Variants in COMMD7 observed in about 807,000 individuals in gnomAD.
The protein encoded by COMMD7 is COMM domain containing 7.
In COMMD7, 28 loss-of-function variants were observed where a neutral mutation model predicts 34.8. That is an observed-to-expected ratio of 0.80 (90% CI 0.60 to 1.10). COMMD7 has a LOEUF of 1.10. Ranked by LOEUF, COMMD7 falls within the 50% of genes least tolerant of loss-of-function variation. COMMD7 has a pLI of 0.00. For missense variants in COMMD7, 211 were observed against 241.6 expected (o/e 0.87, Z 0.84); for synonymous variants, 80 against 86.4 (o/e 0.93, Z 0.41).
chr20:32,717,286 T>C (rs1156373666), intron 3 of COMMD7, among the ~76,000 whole-genome samples: 51 of 150,800 alleles, frequency 3.4e-4, no homozygotes, highest in Non-Finnish European at 2.1e-4. Context: ...TCTGAAGTAG[T>C]TGAGACTACA....
intron 3 of COMMD7, among the ~76,000 whole-genome samples, chr20:32,726,955 G>T (rs1346725668): frequency 6.6e-6 from 1 of 152,120 alleles, no homozygotes; most frequent in Non-Finnish European, 1.5e-5. Context: ...CTGAACCTGG[G>T]CATGGTGGCT....
intron 3 of COMMD7, among the ~76,000 whole-genome samples, chr20:32,714,490 C>T (rs543398191): frequency 6.6e-6 from 1 of 151,100 alleles, no homozygotes; most frequent in South Asian, 2.1e-4. Flanking sequence ...GAGTTCGAGA[C>T]CAGCCTGGCC....
chr20:32,704,261 G>A (rs2145702875), intron 7 of COMMD7, among the ~76,000 whole-genome samples, 179 bp downstream of exon 7: 1 of 152,010 alleles, frequency 6.6e-6, no homozygotes, highest in East Asian at 1.9e-4. Context: ...ATAACACTAG[G>A]ATCTATTCAT....
Position 32,706,637 on chromosome 20 carries a change from G to A in COMMD7, c.299-17C>T. The A allele has an allele frequency of 1.2e-6, 2 of 1,612,064 alleles. No individual in the cohort carries two copies. The highest frequency in any genetic ancestry group is 1.7e-6 in the Non-Finnish European group (2 of 1,178,220). Reference sequence around the variant, plus strand: ...CACTAAGACCTATAAGAGAACAGAAGGAGATATTAACATAATAAAAAGCCT... The same window carrying A: ...CACTAAGACCTATAAGAGAACAGAAAGAGATATTAACATAATAAAAAGCCT... On this transcript the variant is annotated splice_polypyrimidine_tract_variant and intron_variant, in intron 4 of 8. Coordinates refer to ENST00000278980, the MANE Select transcript of COMMD7 (RefSeq NM_053041.3).
chr20:32,726,217 C>T (rs749945702), intron 3 of COMMD7, among the ~76,000 whole-genome samples: 1 of 151,902 alleles, frequency 6.6e-6, no homozygotes, highest in Admixed American at 6.6e-5. Context: ...ACAGTGAAAC[C>T]CCATCTCTAC....
chr20:32,704,411 C>T lies in COMMD7; in HGVS notation c.477+29G>A, dbSNP rs377565040. On this transcript the variant is annotated intron_variant, in intron 7 of 8. Coordinates refer to ENST00000278980, the MANE Select transcript of COMMD7 (RefSeq NM_053041.3). Reference sequence around the variant, plus strand: ...ATTTTTAACCAAGTCAAAAATCTACCCATTTTCAAGGATCAGGAGAAGACT... The same window carrying T: ...ATTTTTAACCAAGTCAAAAATCTACTCATTTTCAAGGATCAGGAGAAGACT... 2.6e-5 allele frequency: 41 copies of T among 1,591,018 alleles called. No homozygotes were observed. The African/African-American group carries it at 4.9e-4, about 19-fold the overall frequency.
rs1006898289 is a variant in COMMD7 at position 32,704,307 on chromosome 20, T to C, written c.477+133A>G. ...GCATGTTAGTGACTACATCTTTAGC[T>C]GGCCACACTGCTCTGAGATATATAA... is the stretch of plus-strand genomic sequence containing the variant. On this transcript the variant is annotated intron_variant, in intron 7 of 8. Transcript: ENST00000278980. The C allele has an allele frequency of 1.1e-5, 10 of 869,996 alleles. No individual in the cohort carries two copies. The African/African-American group carries it at 1.2e-4, about 10-fold the overall frequency. 53.9% of individuals were successfully genotyped at this position (869,996 alleles called of 1,614,324 possible). A position where few individuals can be genotyped will look rare whatever the true frequency, so the allele number is the denominator to read the frequency against.
At chr20:32,738,272 C>T (rs1458638277) in intron 1 of COMMD7, among the ~76,000 whole-genome samples, 1 of 152,180 alleles carries the variant, frequency 6.6e-6, no homozygotes. Context: ...ACTACAGGCA[C>T]ATACCACCAC....
intron 1 of COMMD7, 51 bp downstream of exon 1, chr20:32,743,257 G>C: frequency 1.2e-6 from 1 of 802,110 alleles, no homozygotes; most frequent in Non-Finnish European, 1.9e-6. Context: ...CCCAGGCCCG[G>C]ATCCTGGAAT....
In COMMD7 at chr20:32,704,341, A is replaced by C. The variant is rs147282560; in HGVS notation, c.477+99T>G. The C allele has an allele frequency of 9.3e-5, 108 of 1,158,058 alleles. No homozygotes were observed. In the African/African-American group the frequency reaches 1.6e-3, roughly 17 times the overall value. 71.7% of individuals were successfully genotyped at this position (1,158,058 alleles called of 1,614,324 possible). A position where few individuals can be genotyped will look rare whatever the true frequency, so the allele number is the denominator to read the frequency against. On this transcript the variant is annotated intron_variant, in intron 7 of 8. Coordinates refer to ENST00000278980, the MANE Select transcript of COMMD7 (RefSeq NM_053041.3). ...TGCTCTGAGATATATAAGGTACTTC[A>C]GTAAAACATCCATTTAAATATCCAT...
Position 32,715,486 on chromosome 20 carries a change from A to G in COMMD7, c.242-8726T>C, listed in dbSNP as rs1249486791. Among the ~76,000 whole-genome samples, 5 of 150,036 alleles carry G rather than the reference A, an allele frequency of 3.3e-5. No homozygotes were observed. The Admixed American group carries it at 3.3e-4, about 10-fold the overall frequency. ...CAACACAGCCGGACCCAGTCTCAAAAAAACAAACAAAAAGAATAAAATAAA... is the reference window on the plus strand; with the variant it reads ...CAACACAGCCGGACCCAGTCTCAAAGAAACAAACAAAAAGAATAAAATAAA... On this transcript the variant is annotated intron_variant, in intron 3 of 8. Transcript: ENST00000278980.
At chr20:32,741,639 T>A (rs1197389337) in intron 1 of COMMD7, among the ~76,000 whole-genome samples, 1 of 152,096 alleles carries the variant, frequency 6.6e-6, no homozygotes, top group Non-Finnish European at 1.5e-5. Context: ...TCCGCCCACC[T>A]TGGCCTCCCA....
chr20:32,712,131 G>A (rs557024936), intron 3 of COMMD7, among the ~76,000 whole-genome samples: 9 of 151,970 alleles, frequency 5.9e-5, no homozygotes, highest in African/African-American at 1.9e-4. Flanking sequence ...TTAGCCGGGC[G>A]TGGTGGCAGG....
intron 3 of COMMD7, among the ~76,000 whole-genome samples, chr20:32,719,712 T>C (rs531529137): frequency 6.6e-6 from 1 of 152,244 alleles, no homozygotes; most frequent in East Asian, 1.9e-4. Context: ...AGCCCAGACA[T>C]ACATTCACAT....
At chr20:32,728,031 C>T in intron 2 of COMMD7, 36 bp from the exon 3 acceptor site, 1 of 1,612,804 alleles carries the variant, frequency 6.2e-7, no homozygotes, top group African/African-American at 1.3e-5. Flanking sequence ...CGGGCCTTCA[C>T]TTTCTAAGCA....
rs56096713 is a variant in COMMD7 at position 32,712,269 on chromosome 20, CAAAAAA to C, written c.242-5515_242-5510del. Among the ~76,000 whole-genome samples, 374 of 71,796 alleles carry C rather than the reference CAAAAAA, an allele frequency of 5.2e-3. 4 individuals carry two copies. The highest frequency in any genetic ancestry group is 0.013 in the African/African-American group (205 of 16,272). 47.1% of individuals were successfully genotyped at this position (71,796 alleles called of 152,430 possible). On this transcript the variant is annotated intron_variant, in intron 3 of 8. Transcript: ENST00000278980. ...TGGGCCACAGAGCAAGACTCCGTCT[CAAAAAA>C]AAAAAAAAAAAAAAAAAAAGAGAGA...
chr20:32,726,879 C>G (rs1477722201), intron 3 of COMMD7, among the ~76,000 whole-genome samples: 1 of 152,068 alleles, frequency 6.6e-6, no homozygotes, highest in East Asian at 1.9e-4. Context: ...AGAACCTTCA[C>G]TAAGATATAG....
intron 3 of COMMD7, among the ~76,000 whole-genome samples, chr20:32,719,085 A>G (rs1387334937): frequency 6.6e-6 from 1 of 152,182 alleles, no homozygotes; most frequent in Non-Finnish European, 1.5e-5. Context: ...GAGGGCCTGG[A>G]GGCTCTTACG....
At chr20:32,703,795 C>A in intron 8 of COMMD7, 1 of 1,528,748 alleles carries the variant, frequency 6.5e-7, no homozygotes, top group South Asian at 1.2e-5. Context: ...CCGTTCCCAC[C>A]CTTTCCCTTT....
Sources: allele counts gnomAD v4.1 joint callset (sites outside exome capture counted in the v4.1 genomes callset), GRCh38; gene constraint gnomAD v4.1.1; transcripts MANE v1.5; gene names NCBI Gene and HGNC (gene_info 2026-07-23, HGNC 2026-07-21).